Variants in PTCHD4 observed in about 807,000 individuals in gnomAD.
PTCHD4 encodes the protein patched domain containing 4, also known as patched domain-containing protein 4.
PTCHD4 carries 33 observed loss-of-function variants against 58.1 expected under a neutral mutation model. That is an observed-to-expected ratio of 0.57 (90% CI 0.43 to 0.76). PTCHD4 has a LOEUF of 0.76. PTCHD4 is among the 30% of genes least tolerant of loss of function. The probability of loss-of-function intolerance (pLI) is 0.00; values close to 1 mark genes in which losing one functional copy is unlikely to be tolerated. For synonymous variants in PTCHD4, 478 were observed against 409.6 expected, an observed-to-expected ratio of 1.17 and a Z score of -2.02; for missense variants, 1,058 against 1,027.1, an observed-to-expected ratio of 1.03 and a Z score of -0.41.
At chr6:47,942,929 T>A (rs1333695266) in intron 4 of PTCHD4, among the ~76,000 whole-genome samples, 2 of 152,186 alleles carry the variant, frequency 1.3e-5, no homozygotes, top group Non-Finnish European at 2.9e-5. Context: ...CAGGTGTTTA[T>A]ATCAGAAAAT....
At position 48,002,799 on chromosome 6, in the gene PTCHD4, T is replaced by C. The variant is rs191881402; in HGVS notation, c.898+5835A>G. ...TAATAATTGTCTTTATTCACTATCT[T>C]CACTTCATTCCCTCCAATCTGTATT... On this transcript the variant is annotated intron_variant, in intron 4 of 4. Coordinates refer to ENST00000339488, the MANE Select transcript of PTCHD4 (RefSeq NM_001384253.1). Among the ~76,000 whole-genome samples, 474 of 151,966 alleles carry C rather than the reference T, an allele frequency of 3.1e-3. 4 individuals are homozygous for C. Among genetic ancestry groups the C allele is most frequent in the African/African-American group, 9.5e-3 (394 of 41,490 alleles).
At chr6:47,981,243 T>G (rs1767872031) in intron 4 of PTCHD4, among the ~76,000 whole-genome samples, 1 of 152,206 alleles carries the variant, frequency 6.6e-6, no homozygotes, top group African/African-American at 2.4e-5. Flanking sequence ...TTTGTTCTTT[T>G]TGTTTCATTT....
chr6:47,904,180 G>C (rs542254262), intron 4 of PTCHD4, among the ~76,000 whole-genome samples: 5 of 152,258 alleles, frequency 3.3e-5, no homozygotes, highest in African/African-American at 1.2e-4. Flanking sequence ...TAAGATGGGA[G>C]GCCATTAGAT....
chr6:47,905,614 G>A (rs549258182), intron 4 of PTCHD4, among the ~76,000 whole-genome samples: 1 of 152,234 alleles, frequency 6.6e-6, no homozygotes, highest in South Asian at 2.1e-4. Context: ...AGCACTAGTG[G>A]AGCCCAAAGG....
intron 3 of PTCHD4, among the ~76,000 whole-genome samples, chr6:48,043,496 T>G (rs1396225276): frequency 6.6e-6 from 1 of 151,898 alleles, no homozygotes; most frequent in Non-Finnish European, 1.5e-5. Flanking sequence ...ATTTTTTATC[T>G]TAATCTCAAA....
chr6:48,037,417 C>T (rs1398220636), intron 3 of PTCHD4, among the ~76,000 whole-genome samples: 4 of 152,242 alleles, frequency 2.6e-5, no homozygotes, highest in African/African-American at 7.2e-5. Flanking sequence ...AACTACTGTA[C>T]TTAAAGTTGA....
rs1348272729 is a variant in PTCHD4 at position 47,875,309 on chromosome 6, CA to C, written c.*2993del. Among the ~76,000 whole-genome samples the C allele has an allele frequency of 6.6e-6, 1 of 151,538 alleles. No homozygotes were observed. The highest frequency in any genetic ancestry group is 1.5e-5 in the Non-Finnish European group (1 of 67,770). On this transcript the variant is annotated 3_prime_UTR_variant, in exon 5 of 5. Coordinates refer to ENST00000339488, the MANE Select transcript of PTCHD4 (RefSeq NM_001384253.1). ...CTAGGGAGAGGTGCATACAAGCTAC[CA>C]AAAAAGGTTGGGATTGGGGGTGACC...
intron 1 of PTCHD4, among the ~76,000 whole-genome samples, chr6:48,084,066 C>T (rs577169600): frequency 3.9e-5 from 6 of 151,940 alleles, no homozygotes; most frequent in South Asian, 2.1e-4. Flanking sequence ...ATATGGGGTT[C>T]GAATTTAGCG....
chr6:47,891,766 C>T (rs185000824), intron 4 of PTCHD4, among the ~76,000 whole-genome samples: 66 of 151,916 alleles, frequency 4.3e-4, no homozygotes, highest in African/African-American at 1.5e-3. Context: ...TGGGTTTTTC[C>T]TCATTGTAAT....
At chr6:47,925,401 T>A (rs1765575511) in intron 4 of PTCHD4, among the ~76,000 whole-genome samples, 1 of 152,240 alleles carries the variant, frequency 6.6e-6, no homozygotes, top group South Asian at 2.1e-4. Context: ...TTATGGTGAC[T>A]ATCTGCAGCC....
Position 47,876,847 on chromosome 6 carries a change from T to C in PTCHD4, c.*1456A>G, listed in dbSNP as rs568502547. Among the ~76,000 whole-genome samples, 1 of 152,146 alleles carries C rather than the reference T, an allele frequency of 6.6e-6. No individual in the cohort carries two copies. Among genetic ancestry groups the C allele is most frequent in the African/African-American group, 2.4e-5 (1 of 41,546 alleles). On this transcript the variant is annotated 3_prime_UTR_variant, in exon 5 of 5. Coordinates refer to ENST00000339488, the MANE Select transcript of PTCHD4 (RefSeq NM_001384253.1). ...TTGGGAGTAGTTTTAAACTTTAACT[T>C]AATGAAAACATTTACCTCAGTACTT...
intron 4 of PTCHD4, among the ~76,000 whole-genome samples, chr6:47,992,308 C>T (rs2114037947): frequency 6.6e-6 from 1 of 152,244 alleles, no homozygotes; most frequent in African/African-American, 2.4e-5. Context: ...TATATATACA[C>T]ACACACATAC....
chr6:48,095,987 T>C (rs1765463500), intron 1 of PTCHD4, among the ~76,000 whole-genome samples: 1 of 152,158 alleles, frequency 6.6e-6, no homozygotes, highest in African/African-American at 2.4e-5. Flanking sequence ...ATATTCACAA[T>C]ATTTTTGTTG....
In PTCHD4 at chr6:48,007,658, G is replaced by A. The variant is rs1269386988; in HGVS notation, c.898+976C>T. Among the ~76,000 whole-genome samples the A allele has an allele frequency of 2.0e-5, 3 of 152,050 alleles. No homozygotes were observed. In the East Asian group the frequency reaches 5.8e-4, roughly 29 times the overall value. ...TTTCCATTACCTAATTAGTTCACCA[G>A]CAGTTTTAGCAAAACCCCTAGCAAG... On this transcript the variant is annotated intron_variant, in intron 4 of 4. Transcript: ENST00000339488.
chr6:47,927,758 TTTTA>T lies in PTCHD4; in HGVS notation c.899-47826_899-47823del, dbSNP rs745971477. Among the ~76,000 whole-genome samples the T allele has an allele frequency of 9.9e-5, 15 of 151,896 alleles. No homozygotes were observed. The East Asian group carries it at 1.7e-3, about 18-fold the overall frequency. On this transcript the variant is annotated intron_variant, in intron 4 of 4. Coordinates refer to ENST00000339488, the MANE Select transcript of PTCHD4 (RefSeq NM_001384253.1). ...TTCCATTTTTAAAAAGTCAATGGTT[TTTTA>T]TTTATTTATTTATTTTTTCATTATT...
Position 48,068,776 on chromosome 6 carries a change from C to T in PTCHD4, c.6-135G>A. On this transcript the variant is annotated intron_variant, in intron 2 of 4. Coordinates refer to ENST00000339488, the MANE Select transcript of PTCHD4 (RefSeq NM_001384253.1). The surrounding 1 kb of genome is among the most constrained non-coding windows in gnomAD (Gnocchi z 4.2). ...CGCGCTCACCCCACAACCACTCCGC[C>T]TGGTCTTTCCCCGGCCCCACCTCCA... The T allele has an allele frequency of 2.6e-6, 2 of 773,676 alleles. No individual in the cohort carries two copies. The highest frequency in any genetic ancestry group is 1.8e-5 in the South Asian group (1 of 54,120). 47.9% of individuals were successfully genotyped at this position (773,676 alleles called of 1,614,324 possible).
At chr6:48,018,514 G>A (rs148017353) in intron 3 of PTCHD4, among the ~76,000 whole-genome samples, 7 of 152,302 alleles carry the variant, frequency 4.6e-5, no homozygotes, top group Non-Finnish European at 1.0e-4. Context: ...TCATGTGTCT[G>A]CCCTTTCTTT....
intron 4 of PTCHD4, among the ~76,000 whole-genome samples, chr6:47,911,319 A>T (rs1189729550): frequency 6.6e-6 from 1 of 151,930 alleles, no homozygotes; most frequent in Non-Finnish European, 1.5e-5. Context: ...CACTATGTAA[A>T]CCTACCACTC....
chr6:47,927,077 C>T (rs182008303), intron 4 of PTCHD4, among the ~76,000 whole-genome samples: 103 of 152,248 alleles, frequency 6.8e-4, no homozygotes, highest in African/African-American at 2.5e-3. Context: ...TCTCATGGGA[C>T]TGGGGATCCC....
Sources: gnomAD v4.1 joint callset for allele counts (sites outside exome capture counted in the v4.1 genomes callset) on GRCh38, gnomAD v4.1.1 for gene constraint, Gnocchi (gnomAD v3.1) non-coding constraint, MANE v1.5 for transcripts, NCBI Gene and HGNC (gene_info 2026-07-23, HGNC 2026-07-21) for gene names.